SORCS1: variants seen among roughly 807,000 people sequenced by gnomAD.
SORCS1 encodes the protein sortilin related VPS10 domain containing receptor 1.
Under a neutral mutation model 146.1 loss-of-function variants are expected in SORCS1, and 60 were observed. The ratio of observed to expected loss-of-function variants is 0.41; its 90% CI spans 0.33 to 0.51. The LOEUF is 0.51. SORCS1 is among the 20% of genes least tolerant of loss of function. The probability of loss-of-function intolerance (pLI) is 0.21; values close to 1 mark genes in which losing one functional copy is unlikely to be tolerated. For synonymous variants in SORCS1, 637 were observed against 584.0 expected (o/e 1.09, Z -1.31); for missense variants, 1,352 against 1,487.6 (o/e 0.91, Z 1.50).
chr10:106,721,658 C>A (rs1447337492), intron 6 of SORCS1, among the ~76,000 whole-genome samples: 2 of 152,140 alleles, frequency 1.3e-5, no homozygotes, highest in Non-Finnish European at 2.9e-5. Context: ...TTTATTGTTG[C>A]AAATATTTCA....
At chr10:107,033,604 C>A (rs886607972) in intron 1 of SORCS1, among the ~76,000 whole-genome samples, 5 of 152,286 alleles carry the variant, frequency 3.3e-5, no homozygotes, top group Middle Eastern at 3.4e-3. Context: ...GCTCTTACTC[C>A]AATTAAATTA....
chr10:106,887,268 T>C (rs551805215), intron 2 of SORCS1, among the ~76,000 whole-genome samples: 4 of 152,334 alleles, frequency 2.6e-5, no homozygotes, highest in African/African-American at 9.6e-5. Context: ...TTAAAATATG[T>C]TAATGAATAT....
intron 1 of SORCS1, among the ~76,000 whole-genome samples, chr10:106,970,905 A>ATTTTTTTTTTTTTTTTTT (rs34657393): frequency 1.0e-5 from 1 of 96,488 alleles, no homozygotes; most frequent in Non-Finnish European, 2.1e-5. Context: ...TGCACAGCTA[A>ATTTTTTTTTTTTTTTTTT]TTTTTTTTTT....
chr10:106,586,411 C>CT (rs372779036), intron 24 of SORCS1, among the ~76,000 whole-genome samples: 291 of 147,420 alleles, frequency 2.0e-3, no homozygotes, highest in South Asian at 0.012. Context: ...CTTTGCTTTA[C>CT]TTTTTTTTTT....
At chr10:107,039,889 C>G (rs576156747) in intron 1 of SORCS1, among the ~76,000 whole-genome samples, 31 of 152,280 alleles carry the variant, frequency 2.0e-4, no homozygotes, top group African/African-American at 7.2e-4. Context: ...GTGGGAGGAT[C>G]ACTTGAGGCC....
chr10:106,961,576 G>A (rs1322695104), intron 1 of SORCS1, among the ~76,000 whole-genome samples: 1 of 152,192 alleles, frequency 6.6e-6, no homozygotes, highest in Non-Finnish European at 1.5e-5. Flanking sequence ...TGCGATGGAA[G>A]TGAGGCAGGA....
chr10:106,666,702 G>A (rs970523676), intron 17 of SORCS1, among the ~76,000 whole-genome samples: 34 of 151,500 alleles, frequency 2.2e-4, no homozygotes, highest in African/African-American at 7.8e-4. Context: ...GACTACAGGC[G>A]CACACCACCA....
chr10:106,777,220 A>C (rs549974500), intron 3 of SORCS1, among the ~76,000 whole-genome samples: 1 of 152,280 alleles, frequency 6.6e-6, no homozygotes, highest in South Asian at 2.1e-4. Flanking sequence ...CTAGGCTCTA[A>C]AGCTTTCTCT....
intron 3 of SORCS1, among the ~76,000 whole-genome samples, chr10:106,820,189 A>G (rs921080153): frequency 6.6e-6 from 1 of 152,174 alleles, no homozygotes; most frequent in Non-Finnish European, 1.5e-5. Flanking sequence ...GGCAACACTT[A>G]GTATTCTACT....
At chr10:106,872,133 AG>A (rs1034414612) in intron 2 of SORCS1, among the ~76,000 whole-genome samples, 1 of 152,268 alleles carries the variant, frequency 6.6e-6, no homozygotes, top group Non-Finnish European at 1.5e-5. Flanking sequence ...CATACCATGA[AG>A]AAAAAGGAAT....
At chr10:106,647,118 G>A (rs1318857579) in intron 18 of SORCS1, among the ~76,000 whole-genome samples, 1 of 150,134 alleles carries the variant, frequency 6.7e-6, no homozygotes, top group Non-Finnish European at 1.5e-5. Context: ...GAAATTTTGT[G>A]TAAATTTTGT....
intron 2 of SORCS1, among the ~76,000 whole-genome samples, chr10:106,884,532 C>T (rs1950924245): frequency 6.6e-6 from 1 of 152,030 alleles, no homozygotes; most frequent in South Asian, 2.1e-4. Context: ...TTAATCATGT[C>T]TTGGTGACAA....
chr10:106,824,806 G>A (rs1297622250), intron 3 of SORCS1, among the ~76,000 whole-genome samples: 3 of 152,156 alleles, frequency 2.0e-5, no homozygotes, highest in East Asian at 1.9e-4. Context: ...AATGACCAAT[G>A]TATTCTGAGG....
chr10:106,997,381 C>T (rs566452027), intron 1 of SORCS1, among the ~76,000 whole-genome samples: 57 of 152,338 alleles, frequency 3.7e-4, no homozygotes, highest in African/African-American at 1.3e-3. Context: ...TGACACTTCA[C>T]TGCTGCCACA....
At chr10:106,798,243 G>C (rs758039941) in intron 3 of SORCS1, among the ~76,000 whole-genome samples, 1 of 152,102 alleles carries the variant, frequency 6.6e-6, no homozygotes, top group Admixed American at 6.6e-5. Context: ...CCCCAGCCCC[G>C]TGCAACTTTA....
At chr10:106,992,187 T>C (rs1956796388) in intron 1 of SORCS1, among the ~76,000 whole-genome samples, 1 of 152,190 alleles carries the variant, frequency 6.6e-6, no homozygotes, top group African/African-American at 2.4e-5. Flanking sequence ...CTGTTCGTCA[T>C]GAGCTTAAAA....
intron 17 of SORCS1, among the ~76,000 whole-genome samples, chr10:106,665,738 AT>A (rs1334475432): frequency 1.3e-5 from 2 of 152,104 alleles, no homozygotes; most frequent in Non-Finnish European, 2.9e-5. Flanking sequence ...TAAATATATA[AT>A]TCTTTAATAT....
chr10:106,804,033 G>C (rs1947041603), intron 3 of SORCS1, among the ~76,000 whole-genome samples: 1 of 152,132 alleles, frequency 6.6e-6, no homozygotes, highest in Non-Finnish European at 1.5e-5. Flanking sequence ...AAAAAGAAAG[G>C]AATTTCCAAA....
chr10:106,826,340 G>C (rs1157133043), intron 3 of SORCS1, among the ~76,000 whole-genome samples: 1 of 152,244 alleles, frequency 6.6e-6, no homozygotes, highest in East Asian at 1.9e-4. Flanking sequence ...TAGCACCGCG[G>C]AGACCTGAGA....
Sources: allele counts gnomAD v4.1 joint callset (sites outside exome capture counted in the v4.1 genomes callset), GRCh38; gene constraint gnomAD v4.1.1; transcripts MANE v1.5; gene names NCBI Gene and HGNC (gene_info 2026-07-23, HGNC 2026-07-21).